Variants in CTDSPL observed in about 807,000 individuals in gnomAD.
The protein encoded by CTDSPL is CTD small phosphatase like.
In CTDSPL, 8 loss-of-function variants were observed where a neutral mutation model predicts 30.5. That is an observed-to-expected ratio of 0.26 (90% CI 0.15 to 0.47). The LOEUF is 0.47. Among genes scored for constraint, CTDSPL ranks in the 20% least tolerant of loss-of-function variants. CTDSPL has a pLI of 0.99. For synonymous variants in CTDSPL, 110 were observed against 137.9 expected (o/e 0.80, Z 1.42); for missense variants, 248 against 366.1 (o/e 0.68, Z 2.63).
chr3:37,925,865 C>A (rs1698775750), intron 1 of CTDSPL, among the ~76,000 whole-genome samples: 1 of 150,548 alleles, frequency 6.6e-6, no homozygotes, highest in South Asian at 2.1e-4. Context: ...ACACACACAC[C>A]ACTCTTTAAC....
chr3:37,976,449 T>A (rs1003973054), intron 7 of CTDSPL, among the ~76,000 whole-genome samples: 1 of 151,936 alleles, frequency 6.6e-6, no homozygotes, highest in Non-Finnish European at 1.5e-5. Flanking sequence ...CTGGCCAACA[T>A]GGTAAAACCC....
At chr3:37,916,402 A>G (rs569476060) in intron 1 of CTDSPL, among the ~76,000 whole-genome samples, 3 of 152,306 alleles carry the variant, frequency 2.0e-5, no homozygotes, top group Non-Finnish European at 4.4e-5. Flanking sequence ...CCTAGCCCCT[A>G]GTACTTCAAA....
intron 3 of CTDSPL, among the ~76,000 whole-genome samples, chr3:37,963,082 G>A (rs918791083): frequency 5.3e-5 from 8 of 152,276 alleles, no homozygotes; most frequent in East Asian, 1.9e-4. Flanking sequence ...CTCGAATTTC[G>A]TGCCTGTCTC....
chr3:37,882,270 G>A (rs904745990), intron 1 of CTDSPL, among the ~76,000 whole-genome samples: 6 of 151,908 alleles, frequency 3.9e-5, no homozygotes, highest in Admixed American at 1.3e-4. Context: ...GTAAAACCCC[G>A]TCTCTACTAA....
At chr3:37,951,314 G>C (rs1699105338) in intron 2 of CTDSPL, among the ~76,000 whole-genome samples, 1 of 151,296 alleles carries the variant, frequency 6.6e-6, no homozygotes, top group African/African-American at 2.4e-5. Flanking sequence ...CTTGCATTGA[G>C]CCGAGATCGC....
At chr3:37,963,793 A>T (rs547727179) in intron 3 of CTDSPL, among the ~76,000 whole-genome samples, 1 of 152,280 alleles carries the variant, frequency 6.6e-6, no homozygotes, top group South Asian at 2.1e-4. Flanking sequence ...ACTAAGACAC[A>T]TAAATAGATT....
chr3:37,983,074 C>A lies in CTDSPL; in HGVS notation c.*2207C>A, dbSNP rs1699510815. 1 of 172,878 alleles carries A rather than the reference C, an allele frequency of 5.8e-6. No individual in the cohort carries two copies. The highest frequency in any genetic ancestry group is 1.3e-5 in the Non-Finnish European group (1 of 79,930). The allele number at this position is 172,878 out of a possible 1,614,324, so 10.7% of individuals were successfully genotyped here. A position where few individuals can be genotyped will look rare whatever the true frequency, so the allele number is the denominator to read the frequency against. ...GGCAGACTTGAGCCAGACACTTCAC[C>A]TAGTAGTTCCTGAAACTGTGAGCAC... On this transcript the variant is annotated 3_prime_UTR_variant, in exon 8 of 8. Transcript: ENST00000273179.
At position 37,947,158 on chromosome 3, in the gene CTDSPL, A is replaced by T; in HGVS notation, c.181A>T (p.Ser61Cys). 1 of 1,612,996 alleles carries T rather than the reference A, an allele frequency of 6.2e-7. No individual in the cohort carries two copies. Among genetic ancestry groups the T allele is most frequent in the Non-Finnish European group, 8.5e-7 (1 of 1,179,972 alleles). Residue 61 changes from serine (S) to cysteine (C), a missense_variant, in exon 2 of 8, where the codon AGC (serine) becomes TGC (cysteine). Ser to Cys is a moderately radical substitution (Grantham distance 112). This residue lies in a region of CTDSPL where 118 missense variants were observed against 124.7 expected (regional missense o/e 0.95). Coordinates refer to ENST00000273179, the MANE Select transcript of CTDSPL (RefSeq NM_001008392.2). ...RDYNVEAPPPSSPSVLPPLVE... is the reference protein window; with the variant it reads ...RDYNVEAPPPCSPSVLPPLVE... ...TTACAATGTGGAGGCCCCTCCACCCAGCAGCCCCAGTGTGCTTCCGCCACT... is the reference window on the plus strand; with the variant it reads ...TTACAATGTGGAGGCCCCTCCACCCTGCAGCCCCAGTGTGCTTCCGCCACT...
intron 1 of CTDSPL, among the ~76,000 whole-genome samples, chr3:37,942,284 G>T (rs137914930): frequency 1.3e-5 from 2 of 150,458 alleles, no homozygotes; most frequent in Non-Finnish European, 3.0e-5. Flanking sequence ...TTGATCCAGC[G>T]TTCCTGGAGA....
At chr3:37,894,908 T>G (rs1559626855) in intron 1 of CTDSPL, among the ~76,000 whole-genome samples, 1 of 152,216 alleles carries the variant, frequency 6.6e-6, no homozygotes, top group Non-Finnish European at 1.5e-5. Context: ...CAGTTGGTTC[T>G]CTCTTATACT....
At chr3:37,926,599 A>G (rs1698784329) in intron 1 of CTDSPL, among the ~76,000 whole-genome samples, 1 of 152,226 alleles carries the variant, frequency 6.6e-6, no homozygotes. Flanking sequence ...TGCAAAACTA[A>G]TGTGGAATAT....
chr3:37,907,427 T>C (rs183216529), intron 1 of CTDSPL, among the ~76,000 whole-genome samples: 311 of 152,380 alleles, frequency 2.0e-3, no homozygotes, highest in African/African-American at 6.8e-3. Context: ...AAGTGCAATT[T>C]TCTCTCTAAG....
intron 1 of CTDSPL, among the ~76,000 whole-genome samples, chr3:37,876,265 A>G (rs892676786): frequency 2.6e-4 from 40 of 151,968 alleles, no homozygotes; most frequent in African/African-American, 9.4e-4. Context: ...AATTAAGGTA[A>G]ATTTGCATAC....
At chr3:37,884,218 T>C (rs1033365013) in intron 1 of CTDSPL, among the ~76,000 whole-genome samples, 6 of 152,118 alleles carry the variant, frequency 3.9e-5, no homozygotes. Flanking sequence ...TTAAATTCAC[T>C]AGAATGCCCT....
rs548603474 is a variant in CTDSPL at position 37,941,551 on chromosome 3, C to T, written c.80-5506C>T. Among the ~76,000 whole-genome samples the T allele has an allele frequency of 6.7e-5, 10 of 149,320 alleles. 1 individual carries two copies. The highest frequency in any genetic ancestry group is 3.5e-3 in the Middle Eastern group (1 of 282). Reference sequence around the variant, plus strand: ...ATTACAGGGGCCCGCCACCACACTCCGCTAATTTTTGTATTCTTAGTAGAA... The same window carrying T: ...ATTACAGGGGCCCGCCACCACACTCTGCTAATTTTTGTATTCTTAGTAGAA... On this transcript the variant is annotated intron_variant, in intron 1 of 7. Coordinates refer to ENST00000273179, the MANE Select transcript of CTDSPL (RefSeq NM_001008392.2).
At chr3:37,927,634 ATATG>A (rs200510215) in intron 1 of CTDSPL, among the ~76,000 whole-genome samples, 2,101 of 78,352 alleles carry the variant, frequency 0.027, 64 homozygotes, top group African/African-American at 0.091. Flanking sequence ...AAAGAAAAAT[ATATG>A]TGTGTGTGTG....
chr3:37,943,125 C>T (rs1281834569), intron 1 of CTDSPL, among the ~76,000 whole-genome samples: 1 of 149,928 alleles, frequency 6.7e-6, no homozygotes, highest in Non-Finnish European at 1.5e-5. Flanking sequence ...AGTGGTGAGC[C>T]CCATTTAGAT....
In CTDSPL at chr3:37,983,622, T is replaced by A. The variant is rs112902991; in HGVS notation, c.*2755T>A. Reference sequence around the variant, plus strand: ...GTCTTCTGGAGAAGTATTTTTGACATTGAGCTCTGGGACAGGACACCTTGG... The same window carrying A: ...GTCTTCTGGAGAAGTATTTTTGACAATGAGCTCTGGGACAGGACACCTTGG... On this transcript the variant is annotated 3_prime_UTR_variant, in exon 8 of 8. Coordinates refer to ENST00000273179, the MANE Select transcript of CTDSPL (RefSeq NM_001008392.2). 113 of 152,682 alleles carry A rather than the reference T, an allele frequency of 7.4e-4. 1 individual carries two copies. Among genetic ancestry groups the A allele is most frequent in the African/African-American group, 2.5e-3 (104 of 41,562 alleles). The allele number at this position is 152,682 out of a possible 1,614,324, so 9.5% of individuals were successfully genotyped here.
chr3:37,903,468 G>A (rs1698475693), intron 1 of CTDSPL, among the ~76,000 whole-genome samples: 1 of 152,210 alleles, frequency 6.6e-6, no homozygotes, highest in South Asian at 2.1e-4. Context: ...AGAGATTCTG[G>A]TAACACAGGA....
Sources: gnomAD v4.1 joint callset for allele counts (sites outside exome capture counted in the v4.1 genomes callset) on GRCh38, gnomAD v4.1.1 for gene constraint, gnomAD v4.1.1 regional missense constraint, MANE v1.5 for transcripts, NCBI Gene and HGNC (gene_info 2026-07-23, HGNC 2026-07-21) for gene names.